The following ZGPAT variants were observed in gnomAD, a reference collection of about 807,000 sequenced individuals.
ZGPAT encodes zinc finger CCCH-type with G patch domain-containing protein.
In ZGPAT, 39 loss-of-function variants were observed where a neutral mutation model predicts 47.9. That is an observed-to-expected ratio of 0.81 (90% CI 0.63 to 1.06). ZGPAT has a LOEUF of 1.06. ZGPAT is among the 50% of genes least tolerant of loss of function. ZGPAT has a pLI of 0.00. For missense variants in ZGPAT, 717 were observed against 681.4 expected, an observed-to-expected ratio of 1.05 and a Z score of -0.58; for synonymous variants, 348 against 292.9, an observed-to-expected ratio of 1.19 and a Z score of -1.92.
At chr20:63,714,459 A>G (rs887554378) in intron 2 of ZGPAT, among the ~76,000 whole-genome samples, 5 of 151,886 alleles carry the variant, frequency 3.3e-5, no homozygotes, top group Non-Finnish European at 5.9e-5. Context: ...GGCTAGAACA[A>G]ACATCTTTAT....
chr20:63,708,258 CCTGGAAGGCGGCGGGCGCGGCGGGT>C (rs1437922706), intron 1 of ZGPAT, 140 bp downstream of exon 1: 5 of 172,086 alleles, frequency 2.9e-5, no homozygotes, highest in Non-Finnish European at 6.2e-5. Context: ...GCGCGGCCGG[CCTGGAAGGCGGCGGGCGCGGCGGGT>C]GGGCTCGGCG....
At chr20:63,729,034 C>CT (rs1054928363) in intron 2 of ZGPAT, among the ~76,000 whole-genome samples, 7,688 of 139,490 alleles carry the variant, frequency 0.055, 714 homozygotes, top group African/African-American at 0.19. Context: ...TTCTTTTTTT[C>CT]TTTTTTTTTT....
chr20:63,712,946 T>A (rs577062996), intron 2 of ZGPAT, among the ~76,000 whole-genome samples: 1 of 152,158 alleles, frequency 6.6e-6, no homozygotes, highest in Middle Eastern at 3.2e-3. Context: ...TTCCAATTCA[T>A]GAATGAAGGA....
intron 2 of ZGPAT, among the ~76,000 whole-genome samples, chr20:63,731,308 GTGCA>G (rs2091898529): frequency 6.6e-6 from 1 of 150,934 alleles, no homozygotes; most frequent in African/African-American, 2.4e-5. Flanking sequence ...GTGTGTGTGT[GTGCA>G]TGTGCATACA....
At chr20:63,733,441 TTGAG>T (rs2145701403) in intron 3 of ZGPAT, 89 bp downstream of exon 3, 1 of 1,596,770 alleles carries the variant, frequency 6.3e-7, no homozygotes, top group South Asian at 1.1e-5. Context: ...TTCCTTTGGG[TTGAG>T]TGTCGGGACT....
chr20:63,734,921 C>G lies in ZGPAT; in HGVS notation c.991+97C>G. ...CCCGGGGTCCCGCAGCCATCGGGTT[C>G]CCAGGGTCCCGCAGCCACAGCACTG... On this transcript the variant is annotated intron_variant, in intron 5 of 6. Coordinates refer to ENST00000355969, the MANE Select transcript of ZGPAT (RefSeq NM_181485.3). 2.1e-6 allele frequency: 3 copies of G among 1,434,448 alleles called. No homozygotes were observed. In the South Asian group the frequency reaches 4.3e-5, roughly 21 times the overall value. 88.9% of individuals were successfully genotyped at this position (1,434,448 alleles called of 1,614,324 possible). A position where few individuals can be genotyped will look rare whatever the true frequency, so the allele number is the denominator to read the frequency against.
chr20:63,732,531 G>A (rs923466473), intron 2 of ZGPAT, among the ~76,000 whole-genome samples: 1 of 152,102 alleles, frequency 6.6e-6, no homozygotes, highest in Non-Finnish European at 1.5e-5. Flanking sequence ...GGGTGAGATG[G>A]CGTGTGCGTA....
intron 4 of ZGPAT, chr20:63,734,235 A>G: frequency 4.1e-6 from 1 of 243,648 alleles, no homozygotes; most frequent in Non-Finnish European, 8.0e-6. Flanking sequence ...TATATGTGGG[A>G]GGTCACCTGA....
rs1555830650 is a variant in ZGPAT, at chr20:63,732,098, T to TGTGG, written c.585-1119_585-1118insGGGT. ...TGCATGCCATGTGTGTGCATGTATG[T>TGTGG]GTATATGCATATATGAGTGAGTGCA... On this transcript the variant is annotated intron_variant, in intron 2 of 6. Transcript: ENST00000355969. 6.4e-4 allele frequency among the ~76,000 whole-genome samples: 98 copies of TGTGG among 152,028 alleles called. 1 individual carries two copies. The South Asian group carries it at 7.1e-3, about 11-fold the overall frequency.
At position 63,733,328 on chromosome 20, in the gene ZGPAT, C is replaced by G; in HGVS notation, c.694C>G (p.Leu232Val). 1 of 1,612,724 alleles carries G rather than the reference C, an allele frequency of 6.2e-7. No individual in the cohort carries two copies. Among genetic ancestry groups the G allele is most frequent in the Non-Finnish European group, 8.5e-7 (1 of 1,179,920 alleles). Reference sequence around the variant, plus strand: ...GTGTCTGGCCAAGCACCAGGATGGCCTCTGGCACGCAGCACGCATCACCGG... The same window carrying G: ...GTGTCTGGCCAAGCACCAGGATGGCGTCTGGCACGCAGCACGCATCACCGG... ...SACLAKHQDG[L>V]WHAARITDVD... Residue 232 changes from leucine (L) to valine (V), a missense_variant, in exon 3 of 7, where the codon CTC (leucine) becomes GTC (valine). By Grantham distance (32) the Leu-to-Val change is conservative. Coordinates refer to ENST00000355969, the MANE Select transcript of ZGPAT (RefSeq NM_181485.3).
At chr20:63,732,224 GGTGCGGGTGCATGTGTGC>G (rs1291529506) in intron 2 of ZGPAT, among the ~76,000 whole-genome samples, 7 of 98,886 alleles carry the variant, frequency 7.1e-5, no homozygotes. Context: ...TGCATGTTTG[GGTGCGGGTGCATGTGTGC>G]GTGCACGTGT....
Position 63,708,664 on chromosome 20 carries a change from G to A in ZGPAT, c.84G>A (p.Leu28=), listed in dbSNP as rs2091606626. The A allele has an allele frequency of 5.0e-6, 8 of 1,612,670 alleles. No homozygotes were observed. The highest frequency in any genetic ancestry group is 6.8e-6 in the Non-Finnish European group (8 of 1,179,870). ...QQVELALGAG[L]DSSEQADLRQ... The stretch of plus-strand genomic sequence containing the variant: ...TGGAGCTGGCCTTGGGCGCCGGCCT[G>A]GATTCGTCTGAGCAGGCTGACCTGC... The change falls in exon 2 of 7, where the codon CTG becomes CTA. Residue 28 remains leucine (L), a synonymous_variant. Transcript: ENST00000355969.
At chr20:63,719,766 G>C (rs1312974113) in intron 2 of ZGPAT, among the ~76,000 whole-genome samples, 1 of 149,250 alleles carries the variant, frequency 6.7e-6, no homozygotes, top group East Asian at 1.9e-4. Context: ...TTGAAGCGGG[G>C]TTTCACTCTT....
chr20:63,731,873 C>G (rs1416152032), intron 2 of ZGPAT, among the ~76,000 whole-genome samples: 2 of 152,208 alleles, frequency 1.3e-5, no homozygotes, highest in African/African-American at 4.8e-5. Flanking sequence ...ATAGCATTTA[C>G]ATCGTATTAG....
intron 2 of ZGPAT, among the ~76,000 whole-genome samples, chr20:63,727,281 C>G (rs2091855383): frequency 6.7e-6 from 1 of 150,286 alleles, no homozygotes; most frequent in South Asian, 2.1e-4. Flanking sequence ...GCCTCTGTTG[C>G]CCAGGCTGGA....
chr20:63,709,255 A>T, intron 2 of ZGPAT, 91 bp downstream of exon 2: 1 of 1,452,458 alleles, frequency 6.9e-7, no homozygotes, highest in Non-Finnish European at 9.5e-7. Context: ...TTTGCTTTGC[A>T]GTTTTGTCTC....
In ZGPAT at chr20:63,708,767, T is replaced by C. The variant is rs1208515477; in HGVS notation, c.187T>C (p.Leu63=). ...GGTGTCTGTCAGGAAGAGCAGCTTG[T>C]TGGCCGCGCTGGACGAAGAGCGCCC... ...SLVSVRKSSL[L]AALDEERPGR... Residue 63 remains leucine, a synonymous_variant, in exon 2 of 7, where the codon TTG becomes CTG. Transcript: ENST00000355969. 1 of 1,610,480 alleles carries C rather than the reference T, an allele frequency of 6.2e-7. No individual in the cohort carries two copies. Among genetic ancestry groups the C allele is most frequent in the Non-Finnish European group, 8.5e-7 (1 of 1,178,034 alleles).
chr20:63,733,996 G>A (rs562829643), intron 4 of ZGPAT: 1 of 512,020 alleles, frequency 2.0e-6, no homozygotes, highest in African/African-American at 1.9e-5. Flanking sequence ...GGGAGAGGAG[G>A]GGCCTGGAGT....
intron 2 of ZGPAT, among the ~76,000 whole-genome samples, chr20:63,732,768 GTA>G (rs569142750): frequency 9.9e-5 from 15 of 151,342 alleles, no homozygotes; most frequent in African/African-American, 3.4e-4. Flanking sequence ...GTGTACGTAT[GTA>G]TATGCGTGTG....
Sources: allele counts gnomAD v4.1 joint callset (sites outside exome capture counted in the v4.1 genomes callset), GRCh38; gene constraint gnomAD v4.1.1; transcripts MANE v1.5; gene names NCBI Gene and HGNC (gene_info 2026-07-23, HGNC 2026-07-21).